Variants in SLTM observed in about 807,000 individuals in gnomAD.
SLTM encodes the protein SAFB-like transcription modulator.
Under a neutral mutation model 134.6 loss-of-function variants are expected in SLTM, and 43 were observed. That is an observed-to-expected ratio of 0.32 (90% CI 0.25 to 0.41). The LOEUF is 0.41. Ranked by LOEUF, SLTM falls within the 10% of genes least tolerant of loss-of-function variation. SLTM has a pLI of 1.00. For missense variants in SLTM, 1,055 were observed against 1,288.8 expected, an observed-to-expected ratio of 0.82 and a Z score of 2.78; for synonymous variants, 424 against 432.3, an observed-to-expected ratio of 0.98 and a Z score of 0.24.
At chr15:58,910,930 G>A (rs10162821) in intron 5 of SLTM, among the ~76,000 whole-genome samples, 96,198 of 151,438 alleles carry the variant, frequency 0.64, 32,292 homozygotes, top group Middle Eastern at 0.79. Context: ...ATTTTTAGTA[G>A]AGACCAGGTT....
intron 2 of SLTM, among the ~76,000 whole-genome samples, chr15:58,926,901 C>G (rs537763769): frequency 3.9e-5 from 6 of 152,040 alleles, no homozygotes; most frequent in Admixed American, 3.3e-4. Context: ...TGTGAGCCAC[C>G]GCGCCTGGCC....
Position 58,892,888 on chromosome 15 carries a change from T to G in SLTM, c.1898+9A>C. 6.2e-7 allele frequency: 1 copy of G among 1,611,960 alleles called. No homozygotes were observed. The highest frequency in any genetic ancestry group is 8.5e-7 in the Non-Finnish European group (1 of 1,179,276). On this transcript the variant is annotated intron_variant, in intron 14 of 20. Transcript: ENST00000380516. ...TTAAAGACAGGTATAAAACAGACTCTCTTCCTACCTTCGAAGTTCCATTGC... is the reference window on the plus strand; with the variant it reads ...TTAAAGACAGGTATAAAACAGACTCGCTTCCTACCTTCGAAGTTCCATTGC...
In SLTM at chr15:58,893,994, A is replaced by G; in HGVS notation, c.1482-7T>C. 1 of 1,604,974 alleles carries G rather than the reference A, an allele frequency of 6.2e-7. No homozygotes were observed. The highest frequency in any genetic ancestry group is 8.5e-7 in the Non-Finnish European group (1 of 1,177,852). ...TTTGACAGAGGCTTGTGTCCTGACC[A>G]TACCGCCCCAGACAAAAAAACAGAA... On this transcript the variant is annotated splice_polypyrimidine_tract_variant and splice_region_variant and intron_variant, in intron 11 of 20. Transcript: ENST00000380516.
At chr15:58,913,064 AG>A (rs2036395654) in intron 4 of SLTM, among the ~76,000 whole-genome samples, 2 of 152,230 alleles carry the variant, frequency 1.3e-5, no homozygotes, top group African/African-American at 4.8e-5. Context: ...ATACTTGCTA[AG>A]GTAGCAGAAA....
chr15:58,894,227 A>T, intron 10 of SLTM, 34 bp from the exon 11 acceptor site: 2 of 1,521,758 alleles, frequency 1.3e-6, no homozygotes, highest in Non-Finnish European at 1.8e-6. Context: ...CAATTTGTAC[A>T]TATGGTTACA....
intron 20 of SLTM, 123 bp from the exon 21 acceptor site, chr15:58,880,230 G>T: frequency 7.4e-7 from 1 of 1,351,322 alleles, no homozygotes; most frequent in Non-Finnish European, 9.8e-7. Flanking sequence ...ACAGTCCCGT[G>T]AGGTCTGAAC....
At chr15:58,919,413 G>C (rs984243887) in intron 2 of SLTM, among the ~76,000 whole-genome samples, 1 of 152,108 alleles carries the variant, frequency 6.6e-6, no homozygotes, top group Non-Finnish European at 1.5e-5. Flanking sequence ...AGGCAACACA[G>C]TGAGATCCCT....
At position 58,879,339 on chromosome 15, in the gene SLTM, C is replaced by G. The variant is rs868195179; in HGVS notation, c.*660G>C. On this transcript the variant is annotated 3_prime_UTR_variant, in exon 21 of 21. Coordinates refer to ENST00000380516, the MANE Select transcript of SLTM (RefSeq NM_024755.4). ...TTTCATGAATCTATTTGGTTTCATA[C>G]CATGCAAACCTGAACAAGTGTGCTG... The G allele has an allele frequency of 6.6e-6, 1 of 152,370 alleles. No individual in the cohort carries two copies. The highest frequency in any genetic ancestry group is 2.4e-5 in the African/African-American group (1 of 41,424). 9.4% of individuals were successfully genotyped at this position (152,370 alleles called of 1,614,324 possible).
chr15:58,899,488 C>T lies in SLTM; in HGVS notation c.1039G>A (p.Ala347Thr). The T allele has an allele frequency of 6.2e-7, 1 of 1,613,962 alleles. No homozygotes were observed. Reference protein sequence around the residue: ...TLKKGPSSTGASGQAKSSSKE... With the variant: ...TLKKGPSSTGTSGQAKSSSKE... ...ACAAACCTCTTTGCTTGACCAGAGGCCCCAGTAGACGAGGGCCCTTTCTTC... is the reference window on the plus strand; with the variant it reads ...ACAAACCTCTTTGCTTGACCAGAGGTCCCAGTAGACGAGGGCCCTTTCTTC... Residue 347 changes from alanine (A) to threonine (T), a missense_variant, in exon 7 of 21, where the codon GCC (alanine) becomes ACC (threonine). Ala to Thr is a moderately conservative substitution (Grantham distance 58). This residue lies in a region of SLTM where 776 missense variants were observed against 962.2 expected (regional missense o/e 0.81). Transcript: ENST00000380516. This position sits in a 1 kb window ranked among gnomAD's most constrained non-coding sequence, Gnocchi z 5.0.
At chr15:58,896,618 C>A (rs1226909968) in intron 9 of SLTM, among the ~76,000 whole-genome samples, 1 of 151,742 alleles carries the variant, frequency 6.6e-6, no homozygotes, top group East Asian at 1.9e-4. Flanking sequence ...TTATATATAA[C>A]TTTATATAAG....
intron 6 of SLTM, 187 bp downstream of exon 6, chr15:58,901,073 C>A (rs1365197272): frequency 1.7e-6 from 1 of 575,278 alleles, no homozygotes; most frequent in South Asian, 2.1e-5. Context: ...TGCAATATAT[C>A]TTTAGTGTTC....
intron 12 of SLTM, 148 bp downstream of exon 12, chr15:58,893,673 C>T: frequency 1.2e-6 from 1 of 801,066 alleles, no homozygotes; most frequent in Non-Finnish European, 1.9e-6. Flanking sequence ...GAAAAGAAGA[C>T]AATTACTCCT....
At chr15:58,901,028 T>C (rs917207873) in intron 6 of SLTM, 1 of 420,294 alleles carries the variant, frequency 2.4e-6, no homozygotes. Flanking sequence ...AAAAATAGCA[T>C]TGTTCACTAC....
chr15:58,886,798 C>T (rs754238924), intron 19 of SLTM, among the ~76,000 whole-genome samples, 177 bp downstream of exon 19: 2 of 152,130 alleles, frequency 1.3e-5, no homozygotes, highest in Non-Finnish European at 2.9e-5. Flanking sequence ...CAACTACTGA[C>T]AGTAAAGTAT....
At chr15:58,916,901 A>G in intron 3 of SLTM, 34 bp downstream of exon 3, 1 of 1,584,780 alleles carries the variant, frequency 6.3e-7, no homozygotes, top group Non-Finnish European at 8.7e-7. Flanking sequence ...TAGGCTTAAA[A>G]TAAGCATCTT....
intron 3 of SLTM, among the ~76,000 whole-genome samples, chr15:58,914,649 G>T (rs1277725652): frequency 6.6e-6 from 1 of 152,096 alleles, no homozygotes; most frequent in Non-Finnish European, 1.5e-5. Context: ...AAAGATCAAG[G>T]GAAGTTACCA....
chr15:58,913,500 T>C lies in SLTM; in HGVS notation c.512A>G (p.Gln171Arg). 1 of 1,603,462 alleles carries C rather than the reference T, an allele frequency of 6.2e-7. No individual in the cohort carries two copies. Among genetic ancestry groups the C allele is most frequent in the Non-Finnish European group, 8.5e-7 (1 of 1,176,872 alleles). ...TTTTAAAAAAAACTGGCTAAAGACCTGACTTTCGATGTCCTCTTTTTCTAT... is the reference window on the plus strand; with the variant it reads ...TTTTAAAAAAAACTGGCTAAAGACCCGACTTTCGATGTCCTCTTTTTCTAT... ...EDIEKEDIES[Q>R]EIEAQEGEDD... Residue 171 changes from glutamine (Q) to arginine (R), a missense_variant and splice_region_variant, in exon 4 of 21, where the codon CAG becomes CGG. Physicochemically the swap from Gln to Arg is conservative, Grantham distance 43. Transcript: ENST00000380516.
rs1757814531 is a variant in SLTM, at chr15:58,899,170, G to C, written c.1058+299C>G. On this transcript the variant is annotated intron_variant, in intron 7 of 20. Transcript: ENST00000380516. The surrounding 1 kb of genome is among the most constrained non-coding windows in gnomAD (Gnocchi z 5.0). ...AGTTGTTCATTAACCATCATCACAA[G>C]GATTTTAAAAAATAAAACACAAAAA... 2 of 413,928 alleles carry C rather than the reference G, an allele frequency of 4.8e-6. No individual in the cohort carries two copies. Among genetic ancestry groups the C allele is most frequent in the Non-Finnish European group, 8.5e-6 (2 of 235,514 alleles). The allele number at this position is 413,928 out of a possible 1,614,324, so 25.6% of individuals were successfully genotyped here. A position where few individuals can be genotyped will look rare whatever the true frequency, so the allele number is the denominator to read the frequency against.
At chr15:58,917,997 GC>G (rs1193825376) in intron 2 of SLTM, among the ~76,000 whole-genome samples, 3 of 151,656 alleles carry the variant, frequency 2.0e-5, no homozygotes, top group African/African-American at 7.3e-5. Context: ...CAAGTGATCT[GC>G]CCGCCTTAGC....
Sources: allele counts gnomAD v4.1 joint callset (sites outside exome capture counted in the v4.1 genomes callset), GRCh38; gene constraint gnomAD v4.1.1; regional missense constraint gnomAD v4.1.1; non-coding constraint Gnocchi (gnomAD v3.1); transcripts MANE v1.5; gene names NCBI Gene and HGNC (gene_info 2026-07-23, HGNC 2026-07-21).